WDTC1: variants seen among roughly 807,000 people sequenced by gnomAD.
The protein encoded by WDTC1 is WD and tetratricopeptide repeats protein 1.
In WDTC1, 12 loss-of-function variants were observed where a neutral mutation model predicts 76.0. The observed-to-expected ratio is 0.16, with a 90% CI of 0.10 to 0.26. The LOEUF (loss-of-function observed/expected upper bound fraction) is 0.26, where lower values mean the gene tolerates loss of function less well. WDTC1 is among the 10% of genes least tolerant of loss of function. The probability of loss-of-function intolerance (pLI) is 1.00; values close to 1 mark genes in which losing one functional copy is unlikely to be tolerated. For synonymous variants in WDTC1, 326 were observed against 350.8 expected (o/e 0.93, Z 0.79); for missense variants, 511 against 908.8 (o/e 0.56, Z 5.63).
At chr1:27,254,948 T>G (rs936611314) in intron 1 of WDTC1, among the ~76,000 whole-genome samples, 1 of 152,154 alleles carries the variant, frequency 6.6e-6, no homozygotes, top group Non-Finnish European at 1.5e-5. Context: ...TTTGTTTTTT[T>G]TTTTTAAACC....
intron 3 of WDTC1, among the ~76,000 whole-genome samples, chr1:27,277,851 A>C (rs2013076314): frequency 6.6e-6 from 1 of 151,514 alleles, no homozygotes. Flanking sequence ...ATTTGAAAAA[A>C]ATTTTTTGAG....
At chr1:27,236,549 G>A (rs752515389) in intron 1 of WDTC1, among the ~76,000 whole-genome samples, 2 of 152,192 alleles carry the variant, frequency 1.3e-5, no homozygotes, top group Non-Finnish European at 2.9e-5. Flanking sequence ...TGAGGGTCAC[G>A]AGGGAAAGAG....
chr1:27,268,668 C>T (rs891255605), intron 3 of WDTC1, among the ~76,000 whole-genome samples: 2 of 151,642 alleles, frequency 1.3e-5, no homozygotes, highest in Admixed American at 6.6e-5. Flanking sequence ...TCACCCACCT[C>T]GGCCTCCCAA....
rs1163410439 is a variant in WDTC1 at position 27,306,638 on chromosome 1, C to G, written c.*255C>G. ...GGGACACCCCTCCATATGCCCCCCC[C>G]CATCTCCTGCTTTCATGTCCCTGGA... On this transcript the variant is annotated 3_prime_UTR_variant, in exon 16 of 16. Transcript: ENST00000319394. The surrounding 1 kb of genome is among the most constrained non-coding windows in gnomAD (Gnocchi z 5.0). 1.3e-5 allele frequency: 7 copies of G among 543,408 alleles called. No homozygotes were observed. Among genetic ancestry groups the G allele is most frequent in the South Asian group, 4.3e-5 (2 of 46,170 alleles). 33.7% of individuals were successfully genotyped at this position (543,408 alleles called of 1,614,324 possible). A position where few individuals can be genotyped will look rare whatever the true frequency, so the allele number is the denominator to read the frequency against.
At chr1:27,248,669 A>T (rs751627383) in intron 1 of WDTC1, among the ~76,000 whole-genome samples, 22 of 151,250 alleles carry the variant, frequency 1.5e-4, no homozygotes, top group Admixed American at 4.0e-4. Flanking sequence ...TTTTATTATT[A>T]TTTTTTTTTA....
chr1:27,258,237 C>CA lies in WDTC1; in HGVS notation c.-99-2707dup, dbSNP rs151150197. 2.3e-3 allele frequency among the ~76,000 whole-genome samples: 315 copies of CA among 135,610 alleles called. 1 individual carries two copies. The highest frequency in any genetic ancestry group is 4.5e-3 in the African/African-American group (168 of 37,110). The allele number at this position is 135,610 out of a possible 152,430, so 89.0% of individuals were successfully genotyped here. A position where few individuals can be genotyped will look rare whatever the true frequency, so the allele number is the denominator to read the frequency against. On this transcript the variant is annotated intron_variant, in intron 1 of 15. Transcript: ENST00000319394. ...ACATAATGAGGCCCCATCTCAATTA[C>CA]AAAAAAAAAAAATGGCTGGGCACTG...
chr1:27,289,945 G>A (rs1006384655), intron 6 of WDTC1, among the ~76,000 whole-genome samples: 2 of 152,010 alleles, frequency 1.3e-5, no homozygotes, highest in Non-Finnish European at 2.9e-5. Context: ...GTACAGTCCA[G>A]CTTCGGCTCG....
chr1:27,247,310 G>C (rs1348405899), intron 1 of WDTC1, among the ~76,000 whole-genome samples: 4 of 152,108 alleles, frequency 2.6e-5, no homozygotes, highest in Admixed American at 2.6e-4. Context: ...ACCTGCCTCA[G>C]CCTCCCAAAA....
intron 9 of WDTC1, among the ~76,000 whole-genome samples, chr1:27,295,323 T>C (rs2013653849): frequency 6.6e-6 from 1 of 152,188 alleles, no homozygotes; most frequent in South Asian, 2.1e-4. Context: ...GGATGCAGAA[T>C]AGGTGAGGAT....
At chr1:27,282,027 G>A (rs559666862) in intron 3 of WDTC1, among the ~76,000 whole-genome samples, 5 of 152,310 alleles carry the variant, frequency 3.3e-5, no homozygotes, top group Non-Finnish European at 7.3e-5. Context: ...TGGCTCAGAA[G>A]TGCCCAGTAT....
chr1:27,306,391 A>G lies in WDTC1; in HGVS notation c.*8A>G, dbSNP rs771736591. The G allele has an allele frequency of 6.8e-6, 11 of 1,609,088 alleles. No individual in the cohort carries two copies. Among genetic ancestry groups the G allele is most frequent in the Non-Finnish European group, 8.5e-7 (1 of 1,178,968 alleles). On this transcript the variant is annotated 3_prime_UTR_variant, in exon 16 of 16. Coordinates refer to ENST00000319394, the MANE Select transcript of WDTC1 (RefSeq NM_001276252.2). This position sits in a 1 kb window ranked among gnomAD's most constrained non-coding sequence, Gnocchi z 5.0. Reference sequence around the variant, plus strand: ...CAGTGCCGGCCCAGCTAGACCCTCCAGCCCTGGTCCCCAGCCCCTGCTACT... The same window carrying G: ...CAGTGCCGGCCCAGCTAGACCCTCCGGCCCTGGTCCCCAGCCCCTGCTACT...
At chr1:27,286,653 G>A (rs1232493219) in intron 5 of WDTC1, among the ~76,000 whole-genome samples, 3 of 150,628 alleles carry the variant, frequency 2.0e-5, no homozygotes, top group East Asian at 2.0e-4. Context: ...TAGTAGAGAC[G>A]GGGTTTCACC....
intron 5 of WDTC1, among the ~76,000 whole-genome samples, chr1:27,287,196 C>T (rs1570974286): frequency 2.6e-5 from 4 of 151,874 alleles, no homozygotes; most frequent in Admixed American, 2.6e-4. Flanking sequence ...CACACACACC[C>T]ATTCCCTTAA....
rs1191428394 is a variant in WDTC1 at position 27,303,829 on chromosome 1, T to C, written c.1643+34T>C. 9.3e-6 allele frequency: 15 copies of C among 1,608,244 alleles called. No individual in the cohort carries two copies. The highest frequency in any genetic ancestry group is 1.3e-5 in the Non-Finnish European group (15 of 1,178,064). On this transcript the variant is annotated intron_variant, in intron 14 of 15. Transcript: ENST00000319394. The surrounding 1 kb of genome is among the most constrained non-coding windows in gnomAD (Gnocchi z 4.8). ...CCCTGAAGAGGAGGGTGCAGCCCAG[T>C]TGGCAGCGGGAGGTTGAGTGGGGAG...
intron 6 of WDTC1, among the ~76,000 whole-genome samples, chr1:27,289,633 C>A (rs886994515): frequency 6.6e-6 from 1 of 152,198 alleles, no homozygotes; most frequent in African/African-American, 2.4e-5. Context: ...CCAAGGCAGG[C>A]GGCTGGGAGG....
Position 27,294,616 on chromosome 1 carries a change from TGGGGGGGGAACAGGTATGTACAGCATAA to T in WDTC1, c.863_873+17del. On this transcript the variant is annotated splice_donor_variant and splice_donor_5th_base_variant and coding_sequence_variant and intron_variant, in exon 9 of 16. Coordinates refer to ENST00000319394, the MANE Select transcript of WDTC1 (RefSeq NM_001276252.2). LOFTEE classifies it high-confidence loss of function. The stretch of plus-strand genomic sequence containing the variant: ...AATGGCACAGAGCTACTAGTCAACA[TGGGGGGGGAACAGGTATGTACAGCATAA>T]GGTGGTTCTGCCCCATCACCATTCC... 1 of 1,611,672 alleles carries T rather than the reference TGGGGGGGGAACAGGTATGTACAGCATAA, an allele frequency of 6.2e-7. No homozygotes were observed. The highest frequency in any genetic ancestry group is 8.5e-7 in the Non-Finnish European group (1 of 1,178,466).
At chr1:27,243,800 G>A (rs965530312) in intron 1 of WDTC1, among the ~76,000 whole-genome samples, 1 of 151,974 alleles carries the variant, frequency 6.6e-6, no homozygotes, top group Admixed American at 6.6e-5. Context: ...GCAGAGGTAG[G>A]TATTATCAGA....
intron 13 of WDTC1, among the ~76,000 whole-genome samples, chr1:27,302,282 G>C (rs918047845): frequency 2.0e-5 from 3 of 152,084 alleles, no homozygotes; most frequent in South Asian, 2.1e-4. Flanking sequence ...AAGGAACCAA[G>C]TGATAAAGGA....
chr1:27,271,403 C>T (rs1044440089), intron 3 of WDTC1, among the ~76,000 whole-genome samples: 1 of 151,438 alleles, frequency 6.6e-6, no homozygotes, highest in Non-Finnish European at 1.5e-5. Flanking sequence ...TGAGTAGAGA[C>T]AAGGTTTCAC....
Sources: allele counts gnomAD v4.1 joint callset (sites outside exome capture counted in the v4.1 genomes callset), GRCh38; gene constraint gnomAD v4.1.1; non-coding constraint Gnocchi (gnomAD v3.1); transcripts MANE v1.5; gene names NCBI Gene and HGNC (gene_info 2026-07-23, HGNC 2026-07-21).